PRICKLE2: variants seen among roughly 807,000 people sequenced by gnomAD.
PRICKLE2 encodes the protein prickle planar cell polarity protein 2.
In PRICKLE2, 21 loss-of-function variants were observed where a neutral mutation model predicts 81.4. That is an observed-to-expected ratio of 0.26 (90% CI 0.18 to 0.37). PRICKLE2 has a LOEUF of 0.37. Ranked by LOEUF, PRICKLE2 falls within the 10% of genes least tolerant of loss-of-function variation. The probability of loss-of-function intolerance (pLI) is 1.00; values close to 1 mark genes in which losing one functional copy is unlikely to be tolerated. For missense variants in PRICKLE2, 940 were observed against 1,109.0 expected, an observed-to-expected ratio of 0.85 and a Z score of 2.16; for synonymous variants, 456 against 421.5, an observed-to-expected ratio of 1.08 and a Z score of -1.00.
intron 2 of PRICKLE2, among the ~76,000 whole-genome samples, chr3:64,234,576 T>C (rs550522871): frequency 6.6e-6 from 1 of 152,330 alleles, no homozygotes; most frequent in South Asian, 2.1e-4. Flanking sequence ...ATTAGATATA[T>C]GATTTATAAA....
chr3:64,109,494 G>A (rs2076809367), intron 7 of PRICKLE2, among the ~76,000 whole-genome samples: 1 of 152,076 alleles, frequency 6.6e-6, no homozygotes, highest in African/African-American at 2.4e-5. Flanking sequence ...CTGCTCTGGT[G>A]CTACCAGGAT....
chr3:64,258,885 G>GAAATAAAT (rs1406038731), intron 2 of PRICKLE2, among the ~76,000 whole-genome samples: 2 of 142,532 alleles, frequency 1.4e-5, no homozygotes, highest in African/African-American at 5.4e-5. Context: ...AAGAAAGAAA[G>GAAATAAAT]AAAGAAAGAA....
chr3:64,138,770 T>C (rs1438616035), intron 7 of PRICKLE2, among the ~76,000 whole-genome samples: 1 of 152,210 alleles, frequency 6.6e-6, no homozygotes, highest in Non-Finnish European at 1.5e-5. Context: ...AAGGTTGTGA[T>C]TCCAGACTGG....
intron 2 of PRICKLE2, among the ~76,000 whole-genome samples, chr3:64,244,023 T>G (rs1173099773): frequency 6.6e-6 from 1 of 152,182 alleles, no homozygotes; most frequent in African/African-American, 2.4e-5. Context: ...AGTTGCATCT[T>G]TCAGGGAAGA....
Position 64,094,585 on chromosome 3 carries a change from A to G in PRICKLE2, c.*4466T>C, listed in dbSNP as rs960445349. On this transcript the variant is annotated 3_prime_UTR_variant, in exon 8 of 8. Transcript: ENST00000638394. Reference sequence around the variant, plus strand: ...AGCTTATAAAATAGTATGGCTCCCAATAGTGAGTCATATTTTATGGGAGTC... The same window carrying G: ...AGCTTATAAAATAGTATGGCTCCCAGTAGTGAGTCATATTTTATGGGAGTC... 1 of 152,248 alleles carries G rather than the reference A, an allele frequency of 6.6e-6. No homozygotes were observed. The highest frequency in any genetic ancestry group is 2.4e-5 in the African/African-American group (1 of 41,470). 9.4% of individuals were successfully genotyped at this position (152,248 alleles called of 1,614,324 possible). A position where few individuals can be genotyped will look rare whatever the true frequency, so the allele number is the denominator to read the frequency against.
At chr3:64,195,946 G>T (rs765269171) in intron 2 of PRICKLE2, among the ~76,000 whole-genome samples, 17 of 152,170 alleles carry the variant, frequency 1.1e-4, no homozygotes, top group Non-Finnish European at 2.4e-4. Flanking sequence ...AAGAACAACA[G>T]AATTATTAGA....
intron 1 of PRICKLE2, among the ~76,000 whole-genome samples, chr3:64,220,936 T>C (rs2078942751): frequency 6.6e-6 from 1 of 152,210 alleles, no homozygotes; most frequent in Non-Finnish European, 1.5e-5. Flanking sequence ...AATGTACTTT[T>C]AGAAATGGTC....
Position 64,094,721 on chromosome 3 carries a change from T to C in PRICKLE2, c.*4330A>G. On this transcript the variant is annotated 3_prime_UTR_variant, in exon 8 of 8. Coordinates refer to ENST00000638394, the MANE Select transcript of PRICKLE2 (RefSeq NM_198859.4). ...GGTCATAAGAATAAGCTCTGGTATC[T>C]GCTGAGGCACCAGAGGGACAAACCA... The C allele has an allele frequency of 6.5e-6, 1 of 152,784 alleles. No homozygotes were observed. Among genetic ancestry groups the C allele is most frequent in the East Asian group, 1.9e-4 (1 of 5,186 alleles). The allele number at this position is 152,784 out of a possible 1,614,324, so 9.5% of individuals were successfully genotyped here.
intron 2 of PRICKLE2, among the ~76,000 whole-genome samples, chr3:64,249,597 G>A (rs2079414015): frequency 6.6e-6 from 1 of 152,108 alleles, no homozygotes; most frequent in Non-Finnish European, 1.5e-5. Context: ...CAACCCCAAG[G>A]GGAAGAAAGT....
chr3:64,222,436 T>G (rs557777341), intron 1 of PRICKLE2, among the ~76,000 whole-genome samples: 2 of 152,070 alleles, frequency 1.3e-5, no homozygotes, highest in Non-Finnish European at 1.5e-5. Context: ...GAGTTCTAAT[T>G]CCCCAAAATT....
At chr3:64,160,809 T>C (rs2077720727) in intron 3 of PRICKLE2, among the ~76,000 whole-genome samples, 1 of 152,220 alleles carries the variant, frequency 6.6e-6, no homozygotes, top group African/African-American at 2.4e-5. Flanking sequence ...ATGCACACCT[T>C]GGGAATTGTG....
intron 2 of PRICKLE2, among the ~76,000 whole-genome samples, chr3:64,194,661 C>T (rs1200846406): frequency 3.9e-5 from 6 of 152,190 alleles, no homozygotes; most frequent in Admixed American, 2.6e-4. Context: ...TTCTAAGTTC[C>T]TATTTTAATA....
chr3:64,186,888 A>G (rs189806720), intron 2 of PRICKLE2, among the ~76,000 whole-genome samples: 260 of 152,320 alleles, frequency 1.7e-3, no homozygotes, highest in Admixed American at 4.0e-3. Flanking sequence ...ACCAGGCTAC[A>G]GTGTAGACTG....
intron 2 of PRICKLE2, among the ~76,000 whole-genome samples, chr3:64,254,580 AC>A (rs2079497542): frequency 6.6e-6 from 1 of 152,166 alleles, no homozygotes; most frequent in Admixed American, 6.5e-5. Context: ...AGTACATTAT[AC>A]ATTTGACCAA....
intron 1 of PRICKLE2, among the ~76,000 whole-genome samples, chr3:64,205,820 T>G (rs957661111): frequency 6.6e-6 from 1 of 152,110 alleles, no homozygotes; most frequent in Admixed American, 6.5e-5. Flanking sequence ...GCTGCCCAAG[T>G]TGATGTGGAG....
At chr3:64,225,556 T>C (rs2079019858), upstream of PRICKLE2, 1 of 550,694 alleles carries the variant, frequency 1.8e-6, no homozygotes, top group Non-Finnish European at 2.3e-6. Context: ...AGTGCTGAGA[T>C]TTATTTACAT....
chr3:64,190,953 A>T (rs1179348052), intron 2 of PRICKLE2, among the ~76,000 whole-genome samples: 3 of 152,270 alleles, frequency 2.0e-5, no homozygotes, highest in East Asian at 3.9e-4. Flanking sequence ...ACTTCAGCAG[A>T]TAATCCCAAA....
intron 6 of PRICKLE2, among the ~76,000 whole-genome samples, chr3:64,148,854 T>C (rs995252500): frequency 6.6e-6 from 1 of 152,322 alleles, no homozygotes; most frequent in Admixed American, 6.5e-5. Context: ...TTCAGAACTG[T>C]CAGCAATACA....
intron 2 of PRICKLE2, among the ~76,000 whole-genome samples, chr3:64,245,385 A>G (rs1008068716): frequency 1.3e-5 from 2 of 152,170 alleles, no homozygotes; most frequent in Non-Finnish European, 2.9e-5. Context: ...GGCTATCTCA[A>G]TGCTAGTGGC....
Sources: gnomAD v4.1 joint callset for allele counts (sites outside exome capture counted in the v4.1 genomes callset) on GRCh38, gnomAD v4.1.1 for gene constraint, MANE v1.5 for transcripts, NCBI Gene and HGNC (gene_info 2026-07-23, HGNC 2026-07-21) for gene names.